Variants in FAM169A observed in about 807,000 individuals in gnomAD.
FAM169A encodes the protein soluble lamin-associated protein of 75 kDa.
FAM169A carries 24 observed loss-of-function variants against 75.7 expected under a neutral mutation model. The observed-to-expected ratio is 0.32, with a 90% CI of 0.23 to 0.45. The LOEUF (loss-of-function observed/expected upper bound fraction) is 0.45. FAM169A is among the 20% of genes least tolerant of loss of function. FAM169A has a pLI of 1.00. For missense variants in FAM169A, 673 were observed against 784.0 expected (o/e 0.86, Z 1.69); for synonymous variants, 271 against 271.0 (o/e 1.00, Z 0.00).
intron 5 of FAM169A, among the ~76,000 whole-genome samples, chr5:74,822,891 C>G (rs531896055): frequency 6.6e-6 from 1 of 152,276 alleles, no homozygotes; most frequent in South Asian, 2.1e-4. Flanking sequence ...CATTCAGATT[C>G]ATCACTAGTT....
In FAM169A at chr5:74,859,523, C is replaced by T. The variant is rs554467929; in HGVS notation, c.-4+6642G>A. On this transcript the variant is annotated intron_variant, in intron 1 of 12. Coordinates refer to ENST00000687041, the MANE Select transcript of FAM169A (RefSeq NM_001376049.1). ...CAGGCTGGTCTCAAACTCCTGACCT[C>T]GTGATCCACCCGCCTTGGCCTCCCA... is the stretch of plus-strand genomic sequence containing the variant. Among the ~76,000 whole-genome samples, 28 of 152,060 alleles carry T rather than the reference C, an allele frequency of 1.8e-4. No individual in the cohort carries two copies. The South Asian group carries it at 5.2e-3, about 28-fold the overall frequency.
intron 11 of FAM169A, among the ~76,000 whole-genome samples, chr5:74,792,798 G>T (rs1327826976): frequency 6.6e-6 from 1 of 152,118 alleles, no homozygotes; most frequent in East Asian, 1.9e-4. Context: ...TACACTACTG[G>T]TAGGAACATA....
intron 1 of FAM169A, among the ~76,000 whole-genome samples, chr5:74,853,252 T>C (rs1176791777): frequency 1.3e-5 from 2 of 152,238 alleles, no homozygotes; most frequent in Admixed American, 6.5e-5. Flanking sequence ...ACAATCTTTT[T>C]TTAAACTCAG....
At chr5:74,846,139 C>G (rs1373614631) in intron 1 of FAM169A, among the ~76,000 whole-genome samples, 1 of 152,152 alleles carries the variant, frequency 6.6e-6, no homozygotes. Flanking sequence ...ACAAGTAAAG[C>G]ACTAAGACAT....
At chr5:74,866,093 G>A (rs1218611333) in intron 1 of FAM169A, 72 bp downstream of exon 1, 12 of 781,104 alleles carry the variant, frequency 1.5e-5, no homozygotes, top group Non-Finnish European at 1.7e-5. Flanking sequence ...GGTGCTGGCG[G>A]GGGCGCGGGG....
chr5:74,813,688 T>C (rs1195177807), intron 6 of FAM169A, 152 bp downstream of exon 6: 1 of 462,054 alleles, frequency 2.2e-6, no homozygotes, highest in Non-Finnish European at 3.8e-6. Context: ...AGAAAACAAA[T>C]ACATAAGGGC....
intron 11 of FAM169A, among the ~76,000 whole-genome samples, chr5:74,789,516 G>GC (rs1213792906): frequency 1.3e-5 from 2 of 152,346 alleles, no homozygotes; most frequent in East Asian, 3.9e-4. Flanking sequence ...CCAAAAGGCT[G>GC]CCAGTTTTGA....
intron 11 of FAM169A, among the ~76,000 whole-genome samples, chr5:74,792,505 T>C (rs2112492006): frequency 7.0e-6 from 1 of 143,254 alleles, no homozygotes; most frequent in South Asian, 2.2e-4. Flanking sequence ...GCTTTGGGAC[T>C]CGGACTGGCT....
chr5:74,802,250 A>G (rs1385434452), intron 8 of FAM169A, among the ~76,000 whole-genome samples: 2 of 152,096 alleles, frequency 1.3e-5, no homozygotes, highest in African/African-American at 4.8e-5. Flanking sequence ...TTTAGTTTAT[A>G]TCTTTAGTCT....
chr5:74,783,904 G>A (rs76927134), intron 11 of FAM169A, among the ~76,000 whole-genome samples: 2,682 of 152,242 alleles, frequency 0.018, 72 homozygotes, highest in African/African-American at 0.057. Context: ...AGATTTGACT[G>A]TGTAGGACCC....
chr5:74,784,045 T>TACACAGAATAGAGTTC (rs1262923758), intron 11 of FAM169A, among the ~76,000 whole-genome samples: 1 of 152,072 alleles, frequency 6.6e-6, no homozygotes, highest in Non-Finnish European at 1.5e-5. Context: ...TATCATATGA[T>TACACAGAATAGAGTTC]ACACAGAATA....
intron 12 of FAM169A, among the ~76,000 whole-genome samples, chr5:74,782,297 C>A (rs1399295457): frequency 6.6e-6 from 1 of 152,102 alleles, no homozygotes; most frequent in Non-Finnish European, 1.5e-5. Flanking sequence ...TATCAAGATT[C>A]TTTAAAACCA....
chr5:74,849,529 A>G (rs1394931939), intron 1 of FAM169A, among the ~76,000 whole-genome samples: 8 of 152,138 alleles, frequency 5.3e-5, no homozygotes, highest in South Asian at 2.1e-4. Flanking sequence ...AACCAATCCA[A>G]TTCATGATCC....
chr5:74,783,013 A>G lies in FAM169A; in HGVS notation c.1382T>C (p.Phe461Ser). Reference sequence around the variant, plus strand: ...ATTTGTAGAGTCTTCACTGGAATTAAAAGGCTGCAATTTTAATTCTTCATC... The same window carrying G: ...ATTTGTAGAGTCTTCACTGGAATTAGAAGGCTGCAATTTTAATTCTTCATC... ...VLDEELKLQP[F>S]NSSEDSTNLV... The change falls in exon 12 of 13, where the codon TTT (phenylalanine) becomes TCT (serine). Residue 461 changes from phenylalanine (F) to serine (S), a missense_variant. Physicochemically the swap from Phe to Ser is radical, Grantham distance 155 (BLOSUM62 -2). Transcript: ENST00000687041. The G allele has an allele frequency of 6.2e-7, 1 of 1,614,052 alleles. No homozygotes were observed. Among genetic ancestry groups the G allele is most frequent in the Non-Finnish European group, 8.5e-7 (1 of 1,179,942 alleles).
intron 11 of FAM169A, among the ~76,000 whole-genome samples, chr5:74,793,579 G>A (rs1351941510): frequency 2.6e-5 from 4 of 152,030 alleles, no homozygotes; most frequent in African/African-American, 9.7e-5. Context: ...GGCGGGTGAG[G>A]GATAAAAGAC....
Position 74,834,563 on chromosome 5 carries a change from AC to A in FAM169A, c.352del (p.Val118PhefsTer2), listed in dbSNP as rs1748473021. ...TTTTCTATAAATAATTCGATTCAGA[AC>A]ATACAGAACCACTCTCTCCCCAAGA... ...STLGERVVLY[V>X]LNRIIYRKQE... On this transcript the variant is annotated frameshift_variant, in exon 5 of 13. Transcript: ENST00000687041. LOFTEE classifies it high-confidence loss of function. 1 of 1,597,332 alleles carries A rather than the reference AC, an allele frequency of 6.3e-7. No individual in the cohort carries two copies. Among genetic ancestry groups the A allele is most frequent in the African/African-American group, 1.4e-5 (1 of 73,962 alleles).
At chr5:74,841,709 C>G in intron 1 of FAM169A, 30 bp from the exon 2 acceptor site, 3 of 1,573,994 alleles carry the variant, frequency 1.9e-6, no homozygotes, top group South Asian at 1.2e-5. Context: ...ACAAACAATT[C>G]AGAATATGAA....
chr5:74,838,906 A>T, intron 4 of FAM169A, 59 bp downstream of exon 4: 1 of 1,159,474 alleles, frequency 8.6e-7, no homozygotes, highest in Non-Finnish European at 1.3e-6. Flanking sequence ...ATCACTGTTT[A>T]CAGGAAACAC....
At chr5:74,836,281 T>C (rs1345496841) in intron 4 of FAM169A, among the ~76,000 whole-genome samples, 1 of 152,228 alleles carries the variant, frequency 6.6e-6, no homozygotes, top group African/African-American at 2.4e-5. Context: ...CTATAGGTAT[T>C]ACATTTCTCC....
Sources: allele counts gnomAD v4.1 joint callset (sites outside exome capture counted in the v4.1 genomes callset), GRCh38; gene constraint gnomAD v4.1.1; transcripts MANE v1.5; gene names NCBI Gene and HGNC (gene_info 2026-07-23, HGNC 2026-07-21).